CACNA1D: variants seen among roughly 807,000 people sequenced by gnomAD.
CACNA1D encodes calcium voltage-gated channel subunit alpha1 D.
A neutral mutation model predicts 257.1 loss-of-function variants in CACNA1D; 55 were observed. That is an observed-to-expected ratio of 0.21 (90% CI 0.17 to 0.27). CACNA1D has a LOEUF of 0.27. Ranked by LOEUF, CACNA1D falls within the 10% of genes least tolerant of loss-of-function variation. CACNA1D has a pLI of 1.00. For missense variants in CACNA1D, 1,876 were observed against 2,784.0 expected, an observed-to-expected ratio of 0.67 and a Z score of 7.34; for synonymous variants, 980 against 1,014.9, an observed-to-expected ratio of 0.97 and a Z score of 0.65.
chr3:53,781,760 C>T, intron 39 of CACNA1D, 93 bp downstream of exon 39: 1 of 875,866 alleles, frequency 1.1e-6, no homozygotes, highest in African/African-American at 1.6e-5. Context: ...TTGCAAAATG[C>T]TTTATGTATC....
intron 3 of CACNA1D, among the ~76,000 whole-genome samples, chr3:53,614,364 C>T (rs1277382066): frequency 6.6e-6 from 1 of 152,076 alleles, no homozygotes; most frequent in African/African-American, 2.4e-5. Context: ...AATCCGCCCT[C>T]TAGGGTGCCA....
Position 53,504,163 on chromosome 3 carries a change from A to G in CACNA1D, c.483+2443A>G, listed in dbSNP as rs894078305. On this transcript the variant is annotated intron_variant, in intron 3 of 47. Coordinates refer to ENST00000350061, the MANE Select transcript of CACNA1D (RefSeq NM_001128840.3). ...CGAAACTTATTTTTCATCTGTAGTA[A>G]ATACCTTTCATTTAATGTGAATGGT... Among the ~76,000 whole-genome samples the G allele has an allele frequency of 5.9e-5, 9 of 152,150 alleles. No homozygotes were observed. The South Asian group carries it at 1.9e-3, about 32-fold the overall frequency.
At chr3:53,636,890 G>A (rs1247378369) in intron 3 of CACNA1D, among the ~76,000 whole-genome samples, 1 of 152,210 alleles carries the variant, frequency 6.6e-6, no homozygotes, top group Non-Finnish European at 1.5e-5. Context: ...CCAAGAAACA[G>A]TTTCATTCAA....
intron 11 of CACNA1D, among the ~76,000 whole-genome samples, chr3:53,720,250 T>C (rs1398359115): frequency 2.6e-5 from 4 of 152,200 alleles, no homozygotes; most frequent in African/African-American, 9.7e-5. Flanking sequence ...TTTCCTACTA[T>C]ATATAAACAC....
intron 3 of CACNA1D, among the ~76,000 whole-genome samples, chr3:53,583,958 CTGTCTTGGAGAGACAGCAGCTGTGGCA>C: frequency 6.6e-6 from 1 of 152,340 alleles, no homozygotes; most frequent in South Asian, 2.1e-4. Context: ...AAGCATCAGC[CTGTCTTGGAGAGACAGCAGCTGTGGCA>C]TGTAGTATTT....
intron 3 of CACNA1D, among the ~76,000 whole-genome samples, chr3:53,518,465 C>G (rs1040920267): frequency 6.6e-6 from 1 of 152,110 alleles, no homozygotes; most frequent in African/African-American, 2.4e-5. Flanking sequence ...GGTGGTCTCT[C>G]TTTCCAATGC....
chr3:53,501,973 G>A (rs1296445855), intron 3 of CACNA1D, among the ~76,000 whole-genome samples: 3 of 151,782 alleles, frequency 2.0e-5, no homozygotes, highest in Admixed American at 1.3e-4. Context: ...GAGATTTGGA[G>A]CAGATTTTAA....
At chr3:53,662,322 A>G (rs1349288152) in intron 5 of CACNA1D, among the ~76,000 whole-genome samples, 1 of 152,140 alleles carries the variant, frequency 6.6e-6, no homozygotes, top group Non-Finnish European at 1.5e-5. Flanking sequence ...ATGGGCAGGA[A>G]CCGAGAACCC....
intron 37 of CACNA1D, among the ~76,000 whole-genome samples, chr3:53,779,033 TCA>T (rs1481138307): frequency 6.6e-6 from 1 of 152,118 alleles, no homozygotes; most frequent in East Asian, 1.9e-4. Flanking sequence ...GCACGGTGGC[TCA>T]CACCTGTAAT....
intron 10 of CACNA1D, 37 bp from the exon 11 acceptor site, chr3:53,719,718 G>A (rs372744319): frequency 8.5e-5 from 137 of 1,606,160 alleles, no homozygotes; most frequent in Non-Finnish European, 1.0e-4. Context: ...TCAAGCCCTC[G>A]GAACCAGAAT....
chr3:53,722,596 A>C, intron 12 of CACNA1D, 122 bp downstream of exon 12: 1 of 1,009,000 alleles, frequency 9.9e-7, no homozygotes, highest in South Asian at 1.3e-5. Context: ...GTGAGGACAA[A>C]CTTGGTAGAA....
intron 3 of CACNA1D, among the ~76,000 whole-genome samples, chr3:53,508,240 C>G (rs986386238): frequency 1.1e-4 from 16 of 152,224 alleles, no homozygotes; most frequent in African/African-American, 3.6e-4. Context: ...TTTGCCGCAC[C>G]TATCAACCCA....
At chr3:53,525,369 T>TGTTA (rs754307093) in intron 3 of CACNA1D, among the ~76,000 whole-genome samples, 2 of 152,160 alleles carry the variant, frequency 1.3e-5, no homozygotes, top group Non-Finnish European at 2.9e-5. Context: ...AAATATTAAG[T>TGTTA]GTTACCTCCA....
chr3:53,628,396 G>A (rs922642558), intron 3 of CACNA1D, among the ~76,000 whole-genome samples: 3 of 152,208 alleles, frequency 2.0e-5, no homozygotes, highest in Admixed American at 2.0e-4. Flanking sequence ...AGTCTGCTGT[G>A]TGCTTACATC....
At position 53,800,619 on chromosome 3, in the gene CACNA1D, A is replaced by G. The variant is rs1576711391; in HGVS notation, c.5040+254A>G. ...CTGCCTGCTTCTGAGGAGCTCGGCC[A>G]CAGCCGCTGGCCCTGTGGATGAGCA... On this transcript the variant is annotated intron_variant, in intron 41 of 47. Transcript: ENST00000350061. This position sits in a 1 kb window ranked among gnomAD's most constrained non-coding sequence, Gnocchi z 4.3. 2.4e-5 allele frequency: 13 copies of G among 548,668 alleles called. No homozygotes were observed. Among genetic ancestry groups the G allele is most frequent in the Admixed American group, 2.7e-5 (1 of 37,140 alleles). 34.0% of individuals were successfully genotyped at this position (548,668 alleles called of 1,614,324 possible). A position where few individuals can be genotyped will look rare whatever the true frequency, so the allele number is the denominator to read the frequency against.
intron 9 of CACNA1D, among the ~76,000 whole-genome samples, chr3:53,712,113 G>C (rs1203584310): frequency 6.6e-6 from 1 of 152,220 alleles, no homozygotes; most frequent in Non-Finnish European, 1.5e-5. Context: ...TCTGTCCCCA[G>C]AAAAGAAAAC....
intron 4 of CACNA1D, among the ~76,000 whole-genome samples, chr3:53,657,153 G>A (rs576249548): frequency 5.9e-5 from 9 of 152,248 alleles, no homozygotes; most frequent in South Asian, 2.1e-4. Flanking sequence ...CTCAACGGGC[G>A]AATGGATAAA....
intron 5 of CACNA1D, among the ~76,000 whole-genome samples, 199 bp downstream of exon 5, chr3:53,660,474 A>G (rs889958501): frequency 6.6e-6 from 1 of 152,138 alleles, no homozygotes; most frequent in East Asian, 1.9e-4. Flanking sequence ...ACAGGCAGTT[A>G]TTGTCATTCT....
chr3:53,590,173 C>T (rs1282777375), intron 3 of CACNA1D, among the ~76,000 whole-genome samples: 1 of 152,248 alleles, frequency 6.6e-6, no homozygotes, highest in Non-Finnish European at 1.5e-5. Context: ...GCCCCTGCAT[C>T]CACTACTGTT....
Sources: gnomAD v4.1 joint callset for allele counts (sites outside exome capture counted in the v4.1 genomes callset) on GRCh38, gnomAD v4.1.1 for gene constraint, Gnocchi (gnomAD v3.1) non-coding constraint, MANE v1.5 for transcripts, NCBI Gene and HGNC (gene_info 2026-07-23, HGNC 2026-07-21) for gene names.